CPEB3: variants seen among roughly 807,000 people sequenced by gnomAD.
The protein encoded by CPEB3 is cytoplasmic polyadenylation element binding protein 3, also known as cytoplasmic polyadenylation element-binding protein 3.
A neutral mutation model predicts 67.2 loss-of-function variants in CPEB3; 20 were observed. The observed-to-expected ratio is 0.30, with a 90% CI of 0.21 to 0.43. The LOEUF (loss-of-function observed/expected upper bound fraction) is 0.43. CPEB3 is among the 20% of genes least tolerant of loss of function. The pLI is 1.00. For missense variants in CPEB3, 746 were observed against 968.6 expected, an observed-to-expected ratio of 0.77 and a Z score of 3.05; for synonymous variants, 376 against 393.1, an observed-to-expected ratio of 0.96 and a Z score of 0.51.
intron 2 of CPEB3, among the ~76,000 whole-genome samples, chr10:92,224,896 A>AT (rs1564884114): frequency 6.8e-6 from 1 of 147,674 alleles, no homozygotes; most frequent in African/African-American, 2.5e-5. Flanking sequence ...TAAATTTAAA[A>AT]ATATATATAT....
At chr10:92,162,822 G>A (rs1176763949) in intron 4 of CPEB3, among the ~76,000 whole-genome samples, 2 of 152,104 alleles carry the variant, frequency 1.3e-5, no homozygotes, top group Admixed American at 1.3e-4. Flanking sequence ...CCAAGGGAAG[G>A]GCATGTTATG....
chr10:92,253,889 G>C (rs1290027636), intron 1 of CPEB3, among the ~76,000 whole-genome samples: 7 of 152,004 alleles, frequency 4.6e-5, no homozygotes, highest in Admixed American at 4.6e-4. Context: ...CTATGTGCCA[G>C]GCTGTACTAG....
intron 8 of CPEB3, among the ~76,000 whole-genome samples, chr10:92,082,021 T>A (rs1228854048): frequency 6.6e-6 from 1 of 152,172 alleles, no homozygotes; most frequent in Non-Finnish European, 1.5e-5. Context: ...CTCCACAATT[T>A]AAAAAAATAA....
chr10:92,212,412 C>G (rs181380758), intron 2 of CPEB3, among the ~76,000 whole-genome samples: 46 of 149,638 alleles, frequency 3.1e-4, no homozygotes, highest in African/African-American at 1.1e-3. Context: ...CACTGCCCAG[C>G]TAATTTTTGT....
chr10:92,174,754 T>C (rs912817585), intron 4 of CPEB3, among the ~76,000 whole-genome samples: 5 of 152,148 alleles, frequency 3.3e-5, no homozygotes, highest in African/African-American at 1.2e-4. Context: ...TTTATCTCCT[T>C]ATAACTTGTA....
At chr10:92,241,944 C>G (rs192498219) in intron 1 of CPEB3, among the ~76,000 whole-genome samples, 1 of 152,272 alleles carries the variant, frequency 6.6e-6, no homozygotes, top group Admixed American at 6.5e-5. Flanking sequence ...AGGAATCTTT[C>G]TCAGGACACT....
At chr10:92,102,129 A>G (rs1285465774) in intron 7 of CPEB3, among the ~76,000 whole-genome samples, 1 of 148,242 alleles carries the variant, frequency 6.7e-6, no homozygotes, top group African/African-American at 2.6e-5. Context: ...TTTAGATGCT[A>G]TCTATTATTC....
At chr10:92,230,913 C>G (rs1001013842) in intron 2 of CPEB3, among the ~76,000 whole-genome samples, 1 of 152,114 alleles carries the variant, frequency 6.6e-6, no homozygotes. Flanking sequence ...CCACACTGGC[C>G]CCTAAAGAGG....
intron 9 of CPEB3, among the ~76,000 whole-genome samples, chr10:92,062,910 G>A (rs1842409176): frequency 1.3e-5 from 2 of 152,304 alleles, no homozygotes; most frequent in Admixed American, 1.3e-4. Context: ...GCAGGCAAAG[G>A]AGATGAGAAC....
In CPEB3 at chr10:92,088,738, C is replaced by T. The variant is rs76028644; in HGVS notation, c.1687+3092G>A. On this transcript the variant is annotated intron_variant, in intron 8 of 9. Transcript: ENST00000265997. ...TTTGGCCCTGAATAAGGTAAAAATC[C>T]ACCTGGACATCTAAAATCACACCTG... Among the ~76,000 whole-genome samples, 1,198 of 152,192 alleles carry T rather than the reference C, an allele frequency of 7.9e-3. 9 individuals carry two copies. The highest frequency in any genetic ancestry group is 0.028 in the African/African-American group (1,149 of 41,506).
intron 6 of CPEB3, among the ~76,000 whole-genome samples, chr10:92,112,065 C>CT (rs1246064383): frequency 1.3e-5 from 2 of 150,656 alleles, no homozygotes; most frequent in Non-Finnish European, 2.9e-5. Context: ...TACCGAGTAA[C>CT]TGATACAAGT....
intron 6 of CPEB3, among the ~76,000 whole-genome samples, chr10:92,117,088 G>A (rs1224833668): frequency 2.6e-5 from 4 of 152,094 alleles, no homozygotes; most frequent in Admixed American, 6.5e-5. Flanking sequence ...GCAGTGGTGC[G>A]ATCTCAGCTC....
chr10:92,239,733 G>T lies in CPEB3; in HGVS notation c.618C>A (p.Ala206=), dbSNP rs1225484295. 3 of 1,522,732 alleles carry T rather than the reference G, an allele frequency of 2.0e-6. No homozygotes were observed. The highest frequency in any genetic ancestry group is 4.1e-5 in the Admixed American group (2 of 48,818). The allele number at this position is 1,522,732 out of a possible 1,614,324, so 94.3% of individuals were successfully genotyped here. ...PSQAPYAQRS[A]AAAYGHQPIM... is the part of the protein sequence containing the mutation. ...TGGGCTGGTGGCCGTACGCCGCGGC[G>T]GCGCTCCTCTGCGCGTAGGGCGCCT... Residue 206 remains alanine (A), a synonymous_variant, in exon 2 of 10, where the codon GCC becomes GCA. Transcript: ENST00000265997. This position sits in a 1 kb window ranked among gnomAD's most constrained non-coding sequence, Gnocchi z 6.0.
chr10:92,093,717 G>T (rs575534992), intron 7 of CPEB3, among the ~76,000 whole-genome samples: 114 of 152,150 alleles, frequency 7.5e-4, no homozygotes, highest in Middle Eastern at 3.4e-3. Context: ...TGGCCAGCTG[G>T]TCTCAAACTC....
intron 2 of CPEB3, chr10:92,216,632 C>T (rs1850414705): frequency 3.1e-6 from 5 of 1,608,044 alleles, no homozygotes; most frequent in East Asian, 2.2e-5. Flanking sequence ...GTGTGAGGAC[C>T]GAAATCTGCC....
intron 9 of CPEB3, among the ~76,000 whole-genome samples, chr10:92,059,325 C>CGAAAAAAAAAAAA (rs1842244780): frequency 9.9e-6 from 1 of 101,230 alleles, no homozygotes; most frequent in Non-Finnish European, 2.0e-5. Flanking sequence ...GAAACTCTGT[C>CGAAAAAAAAAAAA]AAAAAAAAAA....
chr10:92,214,729 GC>G (rs775824085), intron 2 of CPEB3, among the ~76,000 whole-genome samples: 1 of 150,262 alleles, frequency 6.7e-6, no homozygotes, highest in South Asian at 2.1e-4. Context: ...CACGTGATCC[GC>G]CCACCTCGGC....
chr10:92,270,446 C>T (rs1407923784), intron 1 of CPEB3, among the ~76,000 whole-genome samples: 1 of 151,836 alleles, frequency 6.6e-6, no homozygotes, highest in Non-Finnish European at 1.5e-5. Flanking sequence ...AAGTCAGTAG[C>T]CAGGTGCTAG....
chr10:92,223,955 G>A (rs191243923), intron 2 of CPEB3, among the ~76,000 whole-genome samples: 1 of 152,146 alleles, frequency 6.6e-6, no homozygotes, highest in East Asian at 1.9e-4. Context: ...CACCATGTTG[G>A]CTAGGTTGGT....
Sources: allele counts gnomAD v4.1 joint callset (sites outside exome capture counted in the v4.1 genomes callset), GRCh38; gene constraint gnomAD v4.1.1; non-coding constraint Gnocchi (gnomAD v3.1); transcripts MANE v1.5; gene names NCBI Gene and HGNC (gene_info 2026-07-23, HGNC 2026-07-21).